The following VEZT variants were observed in gnomAD, a reference collection of about 807,000 sequenced individuals.
VEZT encodes the protein vezatin.
In VEZT, 39 loss-of-function variants were observed where a neutral mutation model predicts 79.9. The ratio of observed to expected loss-of-function variants is 0.49; its 90% CI spans 0.38 to 0.64. VEZT has a LOEUF of 0.64. Among genes scored for constraint, VEZT ranks in the 30% least tolerant of loss-of-function variants. The probability of loss-of-function intolerance (pLI) is 0.00; values close to 1 mark genes in which losing one functional copy is unlikely to be tolerated. For synonymous variants in VEZT, 325 were observed against 327.6 expected (o/e 0.99, Z 0.09); for missense variants, 837 against 893.1 (o/e 0.94, Z 0.80).
intron 1 of VEZT, among the ~76,000 whole-genome samples, chr12:95,244,590 CT>C (rs370661900): frequency 5.8e-4 from 84 of 144,148 alleles, no homozygotes; most frequent in African/African-American, 7.1e-4. Context: ...CCTCTTGCCT[CT>C]TTTTTTTTTT....
At chr12:95,282,667 G>C in intron 8 of VEZT, 23 bp downstream of exon 8, 1 of 1,552,324 alleles carries the variant, frequency 6.4e-7, no homozygotes, top group Non-Finnish European at 8.7e-7. Context: ...ATTATACCAA[G>C]AAAGGTCTCG....
chr12:95,252,736 G>A (rs985675823), intron 2 of VEZT, among the ~76,000 whole-genome samples: 4 of 152,146 alleles, frequency 2.6e-5, no homozygotes, highest in African/African-American at 7.2e-5. Flanking sequence ...AGGCCAAGGC[G>A]AGTGGATCAC....
chr12:95,300,635 A>T lies in VEZT; in HGVS notation c.2302A>T (p.Ile768Leu). 2 of 1,596,052 alleles carry T rather than the reference A, an allele frequency of 1.3e-6. No individual in the cohort carries two copies. Among genetic ancestry groups the T allele is most frequent in the Non-Finnish European group, 1.7e-6 (2 of 1,168,822 alleles). ...QTFGGEEEEQ[I>L]IEENKNEIEE... ...TTTTGGTGGTGAGGAGGAAGAACAA[A>T]TAATAGAAGAAAATAAAAATGAGAT... Residue 768 changes from isoleucine (I) to leucine (L), a missense_variant, in exon 12 of 12, where the codon ATA (isoleucine) becomes TTA (leucine). Ile to Leu is a conservative substitution (Grantham distance 5, BLOSUM62 2). Coordinates refer to ENST00000436874, the MANE Select transcript of VEZT (RefSeq NM_017599.4).
At chr12:95,224,929 A>G (rs1037080301) in intron 1 of VEZT, among the ~76,000 whole-genome samples, 1 of 152,192 alleles carries the variant, frequency 6.6e-6, no homozygotes, top group African/African-American at 2.4e-5. Context: ...TAGATCTCTC[A>G]CATGCACATT....
chr12:95,244,712 C>G (rs2137499796), intron 1 of VEZT, among the ~76,000 whole-genome samples: 1 of 151,406 alleles, frequency 6.6e-6, no homozygotes, highest in East Asian at 1.9e-4. Context: ...CCACCTCAGT[C>G]TCCTGCCTCT....
chr12:95,296,313 C>T, intron 11 of VEZT, 55 bp downstream of exon 11: 1 of 1,482,196 alleles, frequency 6.7e-7, no homozygotes, highest in Non-Finnish European at 9.1e-7. Flanking sequence ...TTCTTTCTTT[C>T]TTGAACCATG....
chr12:95,251,925 TTG>T lies in VEZT; in HGVS notation c.37-11_37-10del. ...TAATGATCTTGAAATTTGCTTTATTTTGTGTCTTTTTCAGAATTCTCCACTTT... is the reference window on the plus strand; with the variant it reads ...TAATGATCTTGAAATTTGCTTTATTTTGTCTTTTTCAGAATTCTCCACTTT... On this transcript the variant is annotated splice_polypyrimidine_tract_variant and intron_variant, in intron 1 of 11. Coordinates refer to ENST00000436874, the MANE Select transcript of VEZT (RefSeq NM_017599.4). 1 of 1,598,742 alleles carries T rather than the reference TTG, an allele frequency of 6.3e-7. No individual in the cohort carries two copies. The highest frequency in any genetic ancestry group is 8.5e-7 in the Non-Finnish European group (1 of 1,175,354).
At chr12:95,225,832 C>T (rs2058394585) in intron 1 of VEZT, among the ~76,000 whole-genome samples, 1 of 123,718 alleles carries the variant, frequency 8.1e-6, no homozygotes, top group Non-Finnish European at 1.7e-5. Context: ...AATGAGAGAA[C>T]AGACAAATGA....
intron 9 of VEZT, among the ~76,000 whole-genome samples, chr12:95,291,239 A>G (rs1163623898): frequency 6.6e-6 from 1 of 152,178 alleles, no homozygotes; most frequent in African/African-American, 2.4e-5. Context: ...TCAAAAATAT[A>G]TGTGTGTGCG....
intron 1 of VEZT, among the ~76,000 whole-genome samples, chr12:95,241,091 A>C (rs2060948934): frequency 6.6e-6 from 1 of 151,940 alleles, no homozygotes; most frequent in Non-Finnish European, 1.5e-5. Flanking sequence ...GCTGGAGTGC[A>C]GTGGCGCTAT....
At chr12:95,280,579 T>C (rs2068838674) in intron 7 of VEZT, among the ~76,000 whole-genome samples, 1 of 151,568 alleles carries the variant, frequency 6.6e-6, no homozygotes, top group African/African-American at 2.4e-5. Context: ...GCTGTGTTTT[T>C]CCCATCAACC....
In VEZT at chr12:95,266,341, CCTTT is replaced by C; in HGVS notation, c.435-12_435-9del. The stretch of plus-strand genomic sequence containing the variant: ...CTAATCTGATGCATATCATTTTCTT[CCTTT>C]CTTGTTCCCAGGGATCTCTCAATGC... On this transcript the variant is annotated splice_polypyrimidine_tract_variant and intron_variant, in intron 4 of 11. Coordinates refer to ENST00000436874, the MANE Select transcript of VEZT (RefSeq NM_017599.4). The C allele has an allele frequency of 6.3e-7, 1 of 1,595,556 alleles. No homozygotes were observed.
At chr12:95,261,290 A>G (rs2064436932) in intron 3 of VEZT, among the ~76,000 whole-genome samples, 1 of 152,202 alleles carries the variant, frequency 6.6e-6, no homozygotes. Flanking sequence ...TGTTGCCTTC[A>G]CACCCTAGAC....
intron 1 of VEZT, among the ~76,000 whole-genome samples, chr12:95,238,421 A>G (rs2060466547): frequency 6.6e-6 from 1 of 152,140 alleles, no homozygotes; most frequent in Non-Finnish European, 1.5e-5. Flanking sequence ...GCTTGGCTCT[A>G]CTGTTTTCTA....
intron 2 of VEZT, among the ~76,000 whole-genome samples, chr12:95,255,898 C>A (rs1254360916): frequency 6.6e-6 from 1 of 152,144 alleles, no homozygotes; most frequent in Admixed American, 6.5e-5. Context: ...GTGTGTAAGT[C>A]TAAGATCCTT....
In VEZT at chr12:95,227,161, T is replaced by C. The variant is rs575336251; in HGVS notation, c.36+9275T>C. Among the ~76,000 whole-genome samples, 12 of 152,258 alleles carry C rather than the reference T, an allele frequency of 7.9e-5. No homozygotes were observed. The East Asian group carries it at 2.3e-3, about 29-fold the overall frequency. On this transcript the variant is annotated intron_variant, in intron 1 of 11. Coordinates refer to ENST00000436874, the MANE Select transcript of VEZT (RefSeq NM_017599.4). ...TAGAAAGGTATTAAAGTTCTGATGT[T>C]GCTTTCTTAACTGTTTTTTAGACAG...
At chr12:95,283,247 A>G (rs1256476740) in intron 8 of VEZT, among the ~76,000 whole-genome samples, 4 of 152,214 alleles carry the variant, frequency 2.6e-5, no homozygotes, top group Non-Finnish European at 5.9e-5. Context: ...CCACTTTGGT[A>G]TACCTTTATC....
chr12:95,234,876 C>T lies in VEZT; in HGVS notation c.36+16990C>T, dbSNP rs1415967690. On this transcript the variant is annotated intron_variant, in intron 1 of 11. Transcript: ENST00000436874. The stretch of plus-strand genomic sequence containing the variant: ...TAATGACTCTTAAGGAGCATGCTGC[C>T]TTCAAGCATCTGTTTAACAAAGCAC... Among the ~76,000 whole-genome samples the T allele has an allele frequency of 3.3e-5, 5 of 152,070 alleles. No homozygotes were observed. The East Asian group carries it at 7.7e-4, about 24-fold the overall frequency.
intron 2 of VEZT, among the ~76,000 whole-genome samples, chr12:95,254,373 G>A (rs1363684810): frequency 8.3e-6 from 1 of 120,448 alleles, no homozygotes; most frequent in Non-Finnish European, 1.6e-5. Context: ...TTGAGACGGA[G>A]TCTCACTCTG....
Sources: allele counts gnomAD v4.1 joint callset (sites outside exome capture counted in the v4.1 genomes callset), GRCh38; gene constraint gnomAD v4.1.1; transcripts MANE v1.5; gene names NCBI Gene and HGNC (gene_info 2026-07-23, HGNC 2026-07-21).